Variants in FRMD1 observed in about 807,000 individuals in gnomAD.
The protein encoded by FRMD1 is FERM domain-containing protein 1.
A neutral mutation model predicts 54.9 loss-of-function variants in FRMD1; 51 were observed. That is an observed-to-expected ratio of 0.93 (90% confidence interval 0.74 to 1.17). The LOEUF is 1.17. Ranked by LOEUF, FRMD1 falls within the 50% of genes most tolerant of loss-of-function variation. FRMD1 has a pLI of 0.00. For synonymous variants in FRMD1, 324 were observed against 306.4 expected (o/e 1.06, Z -0.60); for missense variants, 729 against 743.0 (o/e 0.98, Z 0.22).
intron 5 of FRMD1, 62 bp downstream of exon 5, chr6:168,064,809 C>A: frequency 6.6e-7 from 1 of 1,504,300 alleles, no homozygotes. Flanking sequence ...ATGGATGGCA[C>A]CCGGTGGAGG....
intron 1 of FRMD1, among the ~76,000 whole-genome samples, chr6:168,091,226 C>T (rs35453512): frequency 6.6e-6 from 1 of 152,000 alleles, no homozygotes; most frequent in Non-Finnish European, 1.5e-5. Context: ...CCAAGGAGCC[C>T]CGGGGCTGGA....
At position 168,075,256 on chromosome 6, in the gene FRMD1, C is replaced by T. The variant is rs1800529132; in HGVS notation, c.293G>A (p.Cys98Tyr). Residue 98 changes from cysteine (C) to tyrosine (Y), a missense_variant, in exon 2 of 11, where the codon TGT becomes TAT. Coordinates refer to ENST00000283309, the MANE Select transcript of FRMD1 (RefSeq NM_024919.6). ...SIRDAQFFGL[C>Y]VVRNNEYIFM... ...TGAGCGATGCTTACTTCTGACCACA[C>T]AGAGGCCAAAGAACTGCGCGTCTCT... is the stretch of plus-strand genomic sequence containing the variant. The T allele has an allele frequency of 6.2e-7, 1 of 1,613,612 alleles. No individual in the cohort carries two copies. The highest frequency in any genetic ancestry group is 1.7e-5 in the Admixed American group (1 of 60,000).
chr6:168,061,043 G>T lies in FRMD1; in HGVS notation c.1060C>A (p.Arg354=). 6.2e-7 allele frequency: 1 copy of T among 1,608,638 alleles called. No individual in the cohort carries two copies. The highest frequency in any genetic ancestry group is 8.5e-7 in the Non-Finnish European group (1 of 1,176,654). ...REEAEEKQHY[R]ESYISDELEL... is the part of the protein sequence containing the mutation. ...AGCTCATCGCTGATATAGGACTCCC[G>T]GTAGTGCTGCTTCTCTGTGGGGAGT... The change falls in exon 9 of 11, where the codon CGG becomes AGG. Residue 354 remains arginine (R), a synonymous_variant. Transcript: ENST00000283309.
At chr6:168,068,994 CCA>C in intron 2 of FRMD1, among the ~76,000 whole-genome samples, 1 of 152,228 alleles carries the variant, frequency 6.6e-6, no homozygotes, top group Non-Finnish European at 1.5e-5. Flanking sequence ...GTCACCAGCC[CCA>C]GTTTACTTTT....
At chr6:168,079,421 C>G (rs1349537489), upstream of FRMD1, among the ~76,000 whole-genome samples, 2 of 152,222 alleles carry the variant, frequency 1.3e-5, no homozygotes, top group Non-Finnish European at 2.9e-5. Context: ...CAGGACCCAA[C>G]TCCTCCACCT....
intron 4 of FRMD1, chr6:168,066,309 A>G: frequency 1.5e-6 from 1 of 673,870 alleles, no homozygotes; most frequent in Non-Finnish European, 1.8e-6. Context: ...GACCAGCTTG[A>G]CCAACACAGA....
At chr6:168,079,355 G>GGGT (rs1800762923), upstream of FRMD1, among the ~76,000 whole-genome samples, 1 of 152,248 alleles carries the variant, frequency 6.6e-6, no homozygotes, top group African/African-American at 2.4e-5. Context: ...CTCCCATGCA[G>GGGT]GGTAGCTCAG....
upstream of FRMD1, among the ~76,000 whole-genome samples, chr6:168,080,446 C>CA (rs1293213221): frequency 1.4e-4 from 5 of 36,584 alleles, no homozygotes; most frequent in South Asian, 2.3e-3. Context: ...TTAAAAATGG[C>CA]AAAAAAACCA....
intron 1 of FRMD1, among the ~76,000 whole-genome samples, chr6:168,091,926 G>A (rs945061417): frequency 6.6e-6 from 1 of 152,208 alleles, no homozygotes; most frequent in Non-Finnish European, 1.5e-5. Context: ...GTCAAGAGTG[G>A]CCAGTGGCCA....
intron 2 of FRMD1, among the ~76,000 whole-genome samples, chr6:168,068,434 CA>C (rs1800149937): frequency 6.6e-6 from 1 of 152,142 alleles, no homozygotes; most frequent in African/African-American, 2.4e-5. Context: ...CCTCGGATAT[CA>C]AAACCCGGGG....
intron 2 of FRMD1, among the ~76,000 whole-genome samples, chr6:168,069,879 G>C (rs1228383149): frequency 6.6e-6 from 1 of 152,152 alleles, no homozygotes; most frequent in Admixed American, 6.5e-5. Flanking sequence ...ACAGTGCCCC[G>C]CTGTATGGTC....
chr6:168,086,325 G>A (rs933290885), upstream of FRMD1, among the ~76,000 whole-genome samples: 4 of 151,120 alleles, frequency 2.6e-5, no homozygotes, highest in South Asian at 2.1e-4. Context: ...CACATCTTCA[G>A]TGTGGACACC....
Position 168,062,709 on chromosome 6 carries a change from C to G in FRMD1, c.870+185G>C, listed in dbSNP as rs145595579. Reference sequence around the variant, plus strand: ...TTCCCAACGTGGGGCCAGGGGAGGTCGTACAGCAGCTGCGGAGCACGGTCC... The same window carrying G: ...TTCCCAACGTGGGGCCAGGGGAGGTGGTACAGCAGCTGCGGAGCACGGTCC... On this transcript the variant is annotated intron_variant, in intron 7 of 10. Transcript: ENST00000283309. The G allele has an allele frequency of 5.8e-4, 906 of 1,552,002 alleles. 9 individuals carry two copies. The African/African-American group carries it at 0.011, about 19-fold the overall frequency.
intron 2 of FRMD1, among the ~76,000 whole-genome samples, chr6:168,071,909 C>T (rs1800325848): frequency 6.6e-6 from 1 of 152,244 alleles, no homozygotes; most frequent in Non-Finnish European, 1.5e-5. Flanking sequence ...TCAAGGACCC[C>T]TGCCTCCTGC....
rs1421185314 is a variant in FRMD1, at chr6:168,053,990, C to T, written c.*3107G>A. ...ATGAGCTTTGTCTGGAATTCTCCAT[C>T]TTCCGTGAGGGAGGCTGGGCTGATG... is the stretch of plus-strand genomic sequence containing the variant. On this transcript the variant is annotated 3_prime_UTR_variant, in exon 11 of 11. Transcript: ENST00000283309. The T allele has an allele frequency of 2.0e-5, 3 of 152,482 alleles. No homozygotes were observed. Among genetic ancestry groups the T allele is most frequent in the Admixed American group, 6.5e-5 (1 of 15,302 alleles). 9.4% of individuals were successfully genotyped at this position (152,482 alleles called of 1,614,324 possible).
intron 1 of FRMD1, among the ~76,000 whole-genome samples, chr6:168,089,274 C>T (rs893442788): frequency 6.6e-6 from 1 of 152,208 alleles, no homozygotes; most frequent in African/African-American, 2.4e-5. Flanking sequence ...GTGAAGGGAC[C>T]CAGGGTGTGT....
intron 2 of FRMD1, among the ~76,000 whole-genome samples, chr6:168,071,450 G>C (rs1270446834): frequency 6.6e-6 from 1 of 152,204 alleles, no homozygotes; most frequent in African/African-American, 2.4e-5. Flanking sequence ...AGGCCCTGGG[G>C]CCACAGGGCT....
At chr6:168,073,004 C>G (rs1372705692) in intron 2 of FRMD1, among the ~76,000 whole-genome samples, 1 of 152,172 alleles carries the variant, frequency 6.6e-6, no homozygotes, top group African/African-American at 2.4e-5. Flanking sequence ...GTCTGGGAAG[C>G]TACGTGTTTT....
chr6:168,066,834 A>G lies in FRMD1; in HGVS notation c.385-3T>C, dbSNP rs1275697656. The G allele has an allele frequency of 3.7e-6, 6 of 1,611,486 alleles. No homozygotes were observed. The highest frequency in any genetic ancestry group is 3.4e-5 in the Admixed American group (2 of 59,268). ...GGGGCTCTGGGTTTCTCATTTCCCT[A>G]GTGGGGAAAATGCAAGAAAGAGCAA... On this transcript the variant is annotated splice_region_variant and splice_polypyrimidine_tract_variant and intron_variant, in intron 3 of 10. Transcript: ENST00000283309.
Sources: gnomAD v4.1 joint callset for allele counts (sites outside exome capture counted in the v4.1 genomes callset) on GRCh38, gnomAD v4.1.1 for gene constraint, MANE v1.5 for transcripts, NCBI Gene and HGNC (gene_info 2026-07-23, HGNC 2026-07-21) for gene names.